Variants in AXDND1 observed in about 807,000 individuals in gnomAD.
The protein encoded by AXDND1 is axonemal dynein light chain domain containing 1, also known as axonemal dynein light chain domain-containing protein 1.
AXDND1 carries 110 observed loss-of-function variants against 137.5 expected under a neutral mutation model. That is an observed-to-expected ratio of 0.80 (90% CI 0.69 to 0.94). The LOEUF is 0.94. Ranked by LOEUF, AXDND1 falls within the 40% of genes least tolerant of loss-of-function variation. The pLI, the probability that AXDND1 is intolerant of heterozygous loss-of-function variation, is 0.00. For missense variants in AXDND1, 1,191 were observed against 1,169.8 expected, an observed-to-expected ratio of 1.02 and a Z score of -0.26; for synonymous variants, 414 against 399.7, an observed-to-expected ratio of 1.04 and a Z score of -0.43.
Position 179,368,888 on chromosome 1 carries a change from A to T in AXDND1, c.186A>T (p.Glu62Asp), listed in dbSNP as rs1203453101. The change falls in exon 3 of 26, where the codon GAA becomes GAT. Residue 62 changes from glutamate (E) to aspartate (D), a missense_variant. Physicochemically the swap from Glu to Asp is conservative, Grantham distance 45 (BLOSUM62 2). Transcript: ENST00000367618. ...TSLQNEFIPK[E>D]VLLSLTYAAN... ...TTCAGAATGAGTTCATTCCCAAAGA[A>T]GTTCTTCTTTCTCTGACCTATGCGG... The T allele has an allele frequency of 6.2e-7, 1 of 1,613,940 alleles. No individual in the cohort carries two copies. Among genetic ancestry groups the T allele is most frequent in the South Asian group, 1.1e-5 (1 of 91,080 alleles).
At chr1:179,500,736 G>A (rs1351181434) in intron 20 of AXDND1, among the ~76,000 whole-genome samples, 6 of 152,124 alleles carry the variant, frequency 3.9e-5, no homozygotes, top group Admixed American at 1.3e-4. Context: ...GCAGTGGCAC[G>A]ATGTCAGCTC....
At chr1:179,392,029 T>C (rs1650284574) in intron 9 of AXDND1, among the ~76,000 whole-genome samples, 1 of 152,172 alleles carries the variant, frequency 6.6e-6, no homozygotes, top group Non-Finnish European at 1.5e-5. Flanking sequence ...CTGTCTTGGG[T>C]ATATCCTTAT....
intron 18 of AXDND1, among the ~76,000 whole-genome samples, chr1:179,488,677 TTC>T (rs1184852331): frequency 7.2e-6 from 1 of 139,066 alleles, no homozygotes; most frequent in African/African-American, 2.9e-5. Context: ...CTTTCTTTCT[TTC>T]TTTCTTTCTT....
intron 11 of AXDND1, among the ~76,000 whole-genome samples, chr1:179,408,517 C>T (rs1169969723): frequency 6.6e-6 from 1 of 152,062 alleles, no homozygotes; most frequent in Non-Finnish European, 1.5e-5. Flanking sequence ...GCTGGGACTA[C>T]AGGCATGCAC....
At chr1:179,382,641 T>C (rs1372626449) in intron 6 of AXDND1, 59 bp from the exon 7 acceptor site, 4 of 1,272,486 alleles carry the variant, frequency 3.1e-6, no homozygotes, top group African/African-American at 1.5e-5. Flanking sequence ...GTTGTGCTAA[T>C]TGATAAACAG....
At chr1:179,442,219 G>A (rs1485876316) in intron 15 of AXDND1, among the ~76,000 whole-genome samples, 2 of 152,094 alleles carry the variant, frequency 1.3e-5, no homozygotes, top group African/African-American at 2.4e-5. Context: ...TGGAAGAGGC[G>A]GTATAGGCCA....
chr1:179,404,224 CT>C (rs71111990), intron 11 of AXDND1, among the ~76,000 whole-genome samples: 37,734 of 136,300 alleles, frequency 0.28, 4,637 homozygotes, highest in Non-Finnish European at 0.3. Context: ...TTTTCTTTGT[CT>C]TTTTTTTTTT....
chr1:179,457,819 C>T (rs12138436), intron 16 of AXDND1, among the ~76,000 whole-genome samples: 25,531 of 151,938 alleles, frequency 0.17, 2,494 homozygotes, highest in East Asian at 0.35. Context: ...ATTTAGAGAT[C>T]GTTTTACTTT....
At chr1:179,397,507 T>G (rs1310404632) in intron 11 of AXDND1, among the ~76,000 whole-genome samples, 1 of 152,184 alleles carries the variant, frequency 6.6e-6, no homozygotes. Flanking sequence ...GTTTTCTGCA[T>G]TTTCTGAATT....
intron 4 of AXDND1, among the ~76,000 whole-genome samples, chr1:179,373,121 A>G (rs1306273018): frequency 6.6e-6 from 1 of 152,198 alleles, no homozygotes; most frequent in Non-Finnish European, 1.5e-5. Flanking sequence ...TTTCCAACAC[A>G]TGAATTTCTA....
At chr1:179,456,378 T>C in intron 16 of AXDND1, 2 of 783,566 alleles carry the variant, frequency 2.6e-6, no homozygotes, top group Admixed American at 3.4e-5. Context: ...ATTTGAAGAC[T>C]GATTGTTGTA....
At chr1:179,430,364 C>T in intron 13 of AXDND1, 88 bp from the exon 14 acceptor site, 1 of 994,116 alleles carries the variant, frequency 1.0e-6, no homozygotes, top group Non-Finnish European at 1.4e-6. Flanking sequence ...TCTAGTATTA[C>T]AATATTAATA....
At chr1:179,440,788 C>A (rs998260939) in intron 15 of AXDND1, among the ~76,000 whole-genome samples, 2 of 152,192 alleles carry the variant, frequency 1.3e-5, no homozygotes, top group African/African-American at 4.8e-5. Flanking sequence ...TTCAGCAGTT[C>A]TGGGTCTAGT....
chr1:179,456,761 T>TCCAGA, intron 16 of AXDND1: 1 of 782,840 alleles, frequency 1.3e-6, no homozygotes, highest in Admixed American at 1.7e-5. Context: ...TTTGACCTCT[T>TCCAGA]TGGCTGGATG....
chr1:179,468,932 ATT>A (rs34177524), intron 17 of AXDND1, among the ~76,000 whole-genome samples: 10 of 145,860 alleles, frequency 6.9e-5, no homozygotes, highest in South Asian at 4.3e-4. Flanking sequence ...GTTATGAACA[ATT>A]TTTTTTTTTT....
At chr1:179,472,479 T>C (rs1413624950) in intron 17 of AXDND1, among the ~76,000 whole-genome samples, 1 of 152,202 alleles carries the variant, frequency 6.6e-6, no homozygotes, top group Non-Finnish European at 1.5e-5. Context: ...TCATTTTTAT[T>C]GGAGAAAGTG....
chr1:179,473,153 C>T (rs1197801821), intron 17 of AXDND1, among the ~76,000 whole-genome samples: 14 of 151,946 alleles, frequency 9.2e-5, no homozygotes, highest in African/African-American at 2.4e-5. Flanking sequence ...TGACTTTTCT[C>T]TACATTTAAA....
chr1:179,431,249 C>T (rs10913754), intron 14 of AXDND1, among the ~76,000 whole-genome samples: 44,644 of 152,006 alleles, frequency 0.29, 6,771 homozygotes, highest in Non-Finnish European at 0.31. Context: ...TCAAGCGATT[C>T]TCCCACCTCA....
At chr1:179,482,761 C>T (rs1278823774) in intron 17 of AXDND1, among the ~76,000 whole-genome samples, 1 of 151,764 alleles carries the variant, frequency 6.6e-6, no homozygotes, top group Non-Finnish European at 1.5e-5. Flanking sequence ...AGCCTTGCTC[C>T]TCACACTATC....
Sources: gnomAD v4.1 joint callset for allele counts (sites outside exome capture counted in the v4.1 genomes callset) on GRCh38, gnomAD v4.1.1 for gene constraint, MANE v1.5 for transcripts, NCBI Gene and HGNC (gene_info 2026-07-23, HGNC 2026-07-21) for gene names.